Variants in NDUFAF7 observed in about 807,000 individuals in gnomAD.
NDUFAF7 encodes the protein NADH:ubiquinone oxidoreductase complex assembly factor 7.
NDUFAF7 carries 48 observed loss-of-function variants against 47.2 expected under a neutral mutation model. The observed-to-expected ratio is 1.02, with a 90% CI of 0.81 to 1.29. NDUFAF7 has a LOEUF of 1.29. Among genes scored for constraint, NDUFAF7 ranks in the 50% most tolerant of loss-of-function variants. The pLI is 0.00. For synonymous variants in NDUFAF7, 217 were observed against 190.0 expected (o/e 1.14, Z -1.17); for missense variants, 635 against 537.6 (o/e 1.18, Z -1.79).
At chr2:37,237,149 T>A (rs1416995414) in intron 3 of NDUFAF7, among the ~76,000 whole-genome samples, 1 of 152,058 alleles carries the variant, frequency 6.6e-6, no homozygotes, top group Non-Finnish European at 1.5e-5. Flanking sequence ...TTTGTATTTT[T>A]AGTAGAGACA....
the NDUFAF7 span, among the ~76,000 whole-genome samples, chr2:37,262,738 C>T: frequency 6.6e-6 from 1 of 152,136 alleles, no homozygotes; most frequent in Non-Finnish European, 1.5e-5. Flanking sequence ...TATGCTGTAA[C>T]ATTATTTTTC....
chr2:37,243,181 TG>T (rs1666530800), intron 6 of NDUFAF7, among the ~76,000 whole-genome samples: 2 of 152,200 alleles, frequency 1.3e-5, no homozygotes, highest in South Asian at 4.2e-4. Context: ...CCAGGCATGG[TG>T]GCTTACACCT....
At chr2:37,233,446 G>A (rs1387927823) in intron 2 of NDUFAF7, among the ~76,000 whole-genome samples, 1 of 152,094 alleles carries the variant, frequency 6.6e-6, no homozygotes, top group South Asian at 2.1e-4. Context: ...TGACCAACTT[G>A]GTGAAACCCC....
chr2:37,232,019 C>G lies in NDUFAF7; in HGVS notation c.56-87C>G, dbSNP rs953025828. 3.1e-6 allele frequency: 5 copies of G among 1,608,862 alleles called. No homozygotes were observed. The African/African-American group carries it at 6.7e-5, about 22-fold the overall frequency. The stretch of plus-strand genomic sequence containing the variant: ...GCGGTGGGGCGAGGTTAAGGGTTCA[C>G]GAAGCTGTTTTGAAAACGCTCAGGC... On this transcript the variant is annotated intron_variant, in intron 1 of 9. Coordinates refer to ENST00000002125, the MANE Select transcript of NDUFAF7 (RefSeq NM_144736.5).
chr2:37,262,014 G>A, the NDUFAF7 span, among the ~76,000 whole-genome samples: 4 of 152,250 alleles, frequency 2.6e-5, no homozygotes, highest in African/African-American at 7.2e-5. Flanking sequence ...TAATGTAAGC[G>A]ACTGTGCTTA....
downstream of NDUFAF7, chr2:37,257,041 AT>A: frequency 8.8e-7 from 1 of 1,141,890 alleles, no homozygotes; most frequent in Non-Finnish European, 1.2e-6. Flanking sequence ...AGCTCTACTG[AT>A]TATGAATATT....
chr2:37,245,181 ACC>A, intron 7 of NDUFAF7, among the ~76,000 whole-genome samples: 1 of 152,268 alleles, frequency 6.6e-6, no homozygotes, highest in Non-Finnish European at 1.5e-5. Flanking sequence ...TAACTTGTCT[ACC>A]AGTAAGCATA....
At chr2:37,249,628 G>C (rs1233083369), downstream of NDUFAF7, among the ~76,000 whole-genome samples, 2 of 81,116 alleles carry the variant, frequency 2.5e-5, no homozygotes, top group Admixed American at 1.7e-4. Flanking sequence ...CCGTTGCACT[G>C]TAGCCTGTGA....
At chr2:37,237,558 C>A (rs1319578427) in intron 3 of NDUFAF7, among the ~76,000 whole-genome samples, 199 bp from the exon 4 acceptor site, 2 of 152,136 alleles carry the variant, frequency 1.3e-5, no homozygotes, top group African/African-American at 4.8e-5. Context: ...TCCTATTAAT[C>A]TTCCTAAATG....
At chr2:37,267,900 A>G in the NDUFAF7 span, 174 of 214,758 alleles carry the variant, frequency 8.1e-4, 1 homozygote, top group Non-Finnish European at 1.1e-3. Context: ...TCTAGATTCA[A>G]TGAGTCAGCA....
At chr2:37,246,568 G>A (rs1434608594) in intron 8 of NDUFAF7, among the ~76,000 whole-genome samples, 2 of 152,050 alleles carry the variant, frequency 1.3e-5, no homozygotes, top group Admixed American at 6.6e-5. Flanking sequence ...ACTACCTACT[G>A]TAATCATTCT....
At chr2:37,244,085 T>C (rs1666664327) in intron 7 of NDUFAF7, 112 bp downstream of exon 7, 2 of 914,954 alleles carry the variant, frequency 2.2e-6, no homozygotes, top group African/African-American at 3.3e-5. Context: ...GAGTTGCTAG[T>C]AGCATACGAG....
chr2:37,232,591 T>G (rs1428934478), intron 2 of NDUFAF7, among the ~76,000 whole-genome samples: 10 of 152,124 alleles, frequency 6.6e-5, no homozygotes, highest in Non-Finnish European at 1.5e-4. Flanking sequence ...GGAGAAGGAA[T>G]ACGGGAGGAA....
the NDUFAF7 span, chr2:37,267,939 C>G: frequency 5.3e-6 from 1 of 189,350 alleles, no homozygotes; most frequent in Non-Finnish European, 1.1e-5. Flanking sequence ...TACCCACAAA[C>G]TCTGGGTGTC....
the NDUFAF7 span, chr2:37,267,616 A>C: frequency 9.8e-7 from 1 of 1,023,030 alleles, no homozygotes; most frequent in Non-Finnish European, 1.5e-6. Context: ...TGAAATTTAT[A>C]TGTATTTACT....
chr2:37,242,720 C>T (rs998074254), intron 6 of NDUFAF7, 27 bp downstream of exon 6: 4 of 1,526,030 alleles, frequency 2.6e-6, no homozygotes, highest in Middle Eastern at 1.7e-4. Flanking sequence ...AAAGTCATGT[C>T]TATAATTGAA....
chr2:37,248,266 A>AG lies in NDUFAF7; in HGVS notation c.1244dup (p.Gly416TrpfsTer21). 1 of 1,614,098 alleles carries AG rather than the reference A, an allele frequency of 6.2e-7. No individual in the cohort carries two copies. Among genetic ancestry groups the AG allele is most frequent in the Non-Finnish European group, 8.5e-7 (1 of 1,179,980 alleles). On this transcript the variant is annotated frameshift_variant, in exon 10 of 10. Transcript: ENST00000002125. LOFTEE classifies it low-confidence loss of function (END_TRUNC). ...CCTTGCTACCTCATCAGAGACTTCA[A>AG]GGTGGAAGATATCAGAGGAATGCAC...
At chr2:37,251,986 A>G (rs1667540145), downstream of NDUFAF7, 1 of 152,190 alleles carries the variant, frequency 6.6e-6, no homozygotes, top group East Asian at 1.9e-4. Flanking sequence ...ATATTTAAAA[A>G]TATTTTTTAA....
intron 4 of NDUFAF7, among the ~76,000 whole-genome samples, chr2:37,238,777 A>G (rs531469677): frequency 6.6e-6 from 1 of 152,244 alleles, no homozygotes; most frequent in East Asian, 1.9e-4. Flanking sequence ...ACCAACAGAG[A>G]ACTAGTAGTT....
Sources: allele counts gnomAD v4.1 joint callset (sites outside exome capture counted in the v4.1 genomes callset), GRCh38; gene constraint gnomAD v4.1.1; transcripts MANE v1.5; gene names NCBI Gene and HGNC (gene_info 2026-07-23, HGNC 2026-07-21).